GALNTL6: variants seen among roughly 807,000 people sequenced by gnomAD.
The protein encoded by GALNTL6 is polypeptide N-acetylgalactosaminyltransferase-like 6.
A neutral mutation model predicts 73.7 loss-of-function variants in GALNTL6; 46 were observed. The observed-to-expected ratio is 0.62, with a 90% CI of 0.49 to 0.80. The LOEUF is 0.80. Among genes scored for constraint, GALNTL6 ranks in the 30% least tolerant of loss-of-function variants. GALNTL6 has a pLI of 0.00. For synonymous variants in GALNTL6, 259 were observed against 263.7 expected (o/e 0.98, Z 0.17); for missense variants, 604 against 755.0 (o/e 0.80, Z 2.34).
chr4:172,707,726 C>G (rs772120852), intron 5 of GALNTL6, among the ~76,000 whole-genome samples: 13 of 152,108 alleles, frequency 8.5e-5, no homozygotes, highest in Non-Finnish European at 1.8e-4. Context: ...ACAGCAATGA[C>G]AGCTGGGGAT....
intron 5 of GALNTL6, among the ~76,000 whole-genome samples, chr4:172,450,162 A>G (rs1732158890): frequency 6.6e-6 from 1 of 151,596 alleles, no homozygotes; most frequent in South Asian, 2.1e-4. Flanking sequence ...GGTTGCAGTG[A>G]GCCAAGATCA....
intron 2 of GALNTL6, among the ~76,000 whole-genome samples, chr4:172,192,312 T>TA (rs1021828643): frequency 6.6e-6 from 1 of 152,028 alleles, no homozygotes; most frequent in Non-Finnish European, 1.5e-5. Flanking sequence ...ACAGACAATG[T>TA]AAAAAAATTT....
chr4:173,012,620 T>C (rs1225600786), intron 11 of GALNTL6, among the ~76,000 whole-genome samples: 1 of 152,226 alleles, frequency 6.6e-6, no homozygotes, highest in Non-Finnish European at 1.5e-5. Context: ...TCTTCCATCT[T>C]GGACAGGGTG....
At chr4:172,429,573 C>A (rs796967157) in intron 5 of GALNTL6, among the ~76,000 whole-genome samples, 9 of 152,250 alleles carry the variant, frequency 5.9e-5, no homozygotes, top group African/African-American at 2.2e-4. Flanking sequence ...TAGAGCATAG[C>A]AGACATATTC....
At chr4:171,932,863 G>A (rs544550130) in intron 2 of GALNTL6, among the ~76,000 whole-genome samples, 1 of 152,246 alleles carries the variant, frequency 6.6e-6, no homozygotes, top group Admixed American at 6.5e-5. Context: ...GATCACCAGG[G>A]ATCCGGAATG....
chr4:172,912,645 G>A lies in GALNTL6; in HGVS notation c.1042-18516G>A, dbSNP rs570613000. ...GCACAGCAGTCCAAGACCCAACTGAGAGGCCGCAGCGAGGGTGGGGGAGGG... is the reference window on the plus strand; with the variant it reads ...GCACAGCAGTCCAAGACCCAACTGAAAGGCCGCAGCGAGGGTGGGGGAGGG... On this transcript the variant is annotated intron_variant, in intron 8 of 12. Coordinates refer to ENST00000506823, the MANE Select transcript of GALNTL6 (RefSeq NM_001034845.3). Among the ~76,000 whole-genome samples the A allele has an allele frequency of 2.8e-4, 43 of 152,286 alleles. 1 individual carries two copies. The South Asian group carries it at 8.3e-3, about 29-fold the overall frequency.
chr4:171,928,522 A>G (rs79106567), intron 2 of GALNTL6, among the ~76,000 whole-genome samples: 6,452 of 152,282 alleles, frequency 0.042, 396 homozygotes, highest in African/African-American at 0.14. Flanking sequence ...AAATACATGA[A>G]TCATGTTCAT....
At chr4:172,823,375 A>G (rs979038406) in intron 7 of GALNTL6, among the ~76,000 whole-genome samples, 1 of 152,246 alleles carries the variant, frequency 6.6e-6, no homozygotes, top group African/African-American at 2.4e-5. Context: ...CAGTATTAGA[A>G]TGTAAACTCC....
chr4:172,784,326 CT>C (rs1482560518), intron 5 of GALNTL6, among the ~76,000 whole-genome samples: 1 of 151,980 alleles, frequency 6.6e-6, no homozygotes, highest in Non-Finnish European at 1.5e-5. Flanking sequence ...TTGAATTGCT[CT>C]TAGTAAAATA....
In GALNTL6 at chr4:172,826,203, C is replaced by T. The variant is rs1742255871; in HGVS notation, c.923+12480C>T. Among the ~76,000 whole-genome samples the T allele has an allele frequency of 3.9e-5, 6 of 152,252 alleles. No individual in the cohort carries two copies. In the South Asian group the frequency reaches 1.0e-3, roughly 26 times the overall value. ...AGTATTTGGAAGTTTATAAACTGAGCTAGCAAACTACTGGGTTCTGCTCTG... is the reference window on the plus strand; with the variant it reads ...AGTATTTGGAAGTTTATAAACTGAGTTAGCAAACTACTGGGTTCTGCTCTG... On this transcript the variant is annotated intron_variant, in intron 7 of 12. Coordinates refer to ENST00000506823, the MANE Select transcript of GALNTL6 (RefSeq NM_001034845.3).
At chr4:172,467,509 T>G (rs1732865374) in intron 5 of GALNTL6, among the ~76,000 whole-genome samples, 1 of 152,106 alleles carries the variant, frequency 6.6e-6, no homozygotes, top group African/African-American at 2.4e-5. Context: ...TCCAGCAGGC[T>G]CGGTTTGTCA....
chr4:172,204,577 T>C (rs1736051040), intron 2 of GALNTL6, among the ~76,000 whole-genome samples: 1 of 152,216 alleles, frequency 6.6e-6, no homozygotes, highest in South Asian at 2.1e-4. Context: ...TTGTGTATTC[T>C]ATAATTATTA....
intron 2 of GALNTL6, among the ~76,000 whole-genome samples, chr4:172,055,112 A>G (rs1306315645): frequency 1.3e-5 from 2 of 152,136 alleles, no homozygotes; most frequent in African/African-American, 4.8e-5. Flanking sequence ...AGGGGCTTAT[A>G]ACTTATTGTA....
At chr4:172,340,665 A>G (rs1337512168) in intron 4 of GALNTL6, among the ~76,000 whole-genome samples, 1 of 152,234 alleles carries the variant, frequency 6.6e-6, no homozygotes, top group Non-Finnish European at 1.5e-5. Context: ...ATACTATAAG[A>G]TCTTGCTTTT....
chr4:172,256,629 T>A (rs1344398297), intron 3 of GALNTL6, among the ~76,000 whole-genome samples: 3 of 151,396 alleles, frequency 2.0e-5, no homozygotes, highest in Non-Finnish European at 4.4e-5. Flanking sequence ...ACTCTGTTCT[T>A]TCCCAATTTT....
intron 2 of GALNTL6, among the ~76,000 whole-genome samples, chr4:171,820,211 C>CT (rs571908661): frequency 2.6e-5 from 4 of 152,264 alleles, no homozygotes; most frequent in African/African-American, 9.6e-5. Context: ...ATCATGACCT[C>CT]TAACTTTCTT....
chr4:172,356,856 A>C (rs954154660), intron 5 of GALNTL6, among the ~76,000 whole-genome samples: 1 of 152,194 alleles, frequency 6.6e-6, no homozygotes, highest in Non-Finnish European at 1.5e-5. Flanking sequence ...TTAGGTATCC[A>C]AGGTTCCTTT....
At chr4:172,564,619 A>G (rs1308759748) in intron 5 of GALNTL6, among the ~76,000 whole-genome samples, 1 of 152,242 alleles carries the variant, frequency 6.6e-6, no homozygotes, top group Non-Finnish European at 1.5e-5. Context: ...AAGTTTGACA[A>G]TGCTGTAATG....
chr4:171,858,546 AT>A (rs954679994), intron 2 of GALNTL6, among the ~76,000 whole-genome samples: 8 of 149,726 alleles, frequency 5.3e-5, no homozygotes, highest in Non-Finnish European at 1.0e-4. Context: ...AAGCCTATAG[AT>A]TTTTTTTTAA....
Sources: allele counts gnomAD v4.1 joint callset (sites outside exome capture counted in the v4.1 genomes callset), GRCh38; gene constraint gnomAD v4.1.1; transcripts MANE v1.5; gene names NCBI Gene and HGNC (gene_info 2026-07-23, HGNC 2026-07-21).